The following FNIP2 variants were observed in gnomAD, a reference collection of about 807,000 sequenced individuals.
FNIP2 encodes the protein folliculin-interacting protein 2.
FNIP2 carries 32 observed loss-of-function variants against 108.7 expected under a neutral mutation model. That is an observed-to-expected ratio of 0.29 (90% CI 0.22 to 0.40). The LOEUF is 0.40. Ranked by LOEUF, FNIP2 falls within the 10% of genes least tolerant of loss-of-function variation. The pLI, the probability that FNIP2 is intolerant of heterozygous loss-of-function variation, is 1.00. For missense variants in FNIP2, 1,202 were observed against 1,381.6 expected (o/e 0.87, Z 2.06); for synonymous variants, 480 against 496.7 (o/e 0.97, Z 0.45).
rs1779694833 is a variant in FNIP2 at position 158,851,434 on chromosome 4, G to T, written c.841G>T (p.Gly281Cys). The T allele has an allele frequency of 6.2e-7, 1 of 1,613,796 alleles. No individual in the cohort carries two copies. The highest frequency in any genetic ancestry group is 2.2e-5 in the East Asian group (1 of 44,896). The part of the protein sequence containing the change: ...LRSQTTSLEN[G>C]IIPRRSTDET... The stretch of plus-strand genomic sequence containing the variant: ...AAGTCAGACAACAAGTTTGGAAAAT[G>T]GCATCATCCCAAGAAGGTGAGTTGC... Residue 281 changes from glycine to cysteine, a missense_variant, in exon 8 of 17, where the codon GGC (glycine) becomes TGC (cysteine). Physicochemically the swap from Gly to Cys is radical, Grantham distance 159 (BLOSUM62 -3). Around this residue, in one of 5 missense-constraint regions of FNIP2, gnomAD observed 878 missense variants for 990.3 expected, o/e 0.89. Coordinates refer to ENST00000264433, the MANE Select transcript of FNIP2 (RefSeq NM_020840.3).
chr4:158,837,846 T>C (rs1320153900), intron 7 of FNIP2, among the ~76,000 whole-genome samples: 1 of 152,126 alleles, frequency 6.6e-6, no homozygotes, highest in African/African-American at 2.4e-5. Context: ...GTTCTCCTGT[T>C]GGGAGGAAGG....
intron 16 of FNIP2, among the ~76,000 whole-genome samples, chr4:158,899,649 T>C (rs1783023290): frequency 6.6e-6 from 1 of 152,248 alleles, no homozygotes; most frequent in African/African-American, 2.4e-5. Context: ...GAGGTGTTTA[T>C]AGTATTCTCT....
chr4:158,832,938 CAA>C (rs1213655984), intron 5 of FNIP2, among the ~76,000 whole-genome samples: 2 of 152,148 alleles, frequency 1.3e-5, no homozygotes, highest in Non-Finnish European at 2.9e-5. Flanking sequence ...CTACACACAG[CAA>C]AAGTCTTTAA....
chr4:158,796,896 C>T (rs1157698832), intron 1 of FNIP2, among the ~76,000 whole-genome samples: 1 of 152,174 alleles, frequency 6.6e-6, no homozygotes, highest in Non-Finnish European at 1.5e-5. Context: ...ATGACACCCT[C>T]TCTCAGCAGG....
chr4:158,891,836 CAAAT>C (rs1322361596), intron 15 of FNIP2, among the ~76,000 whole-genome samples, 190 bp downstream of exon 15: 3 of 152,128 alleles, frequency 2.0e-5, no homozygotes, highest in Non-Finnish European at 2.9e-5. Context: ...TTCCGTGAAA[CAAAT>C]AACAAGGAGC....
chr4:158,785,710 C>CTTTCT (rs1553953282), intron 1 of FNIP2, among the ~76,000 whole-genome samples: 1 of 144,114 alleles, frequency 6.9e-6, no homozygotes, highest in African/African-American at 2.5e-5. Flanking sequence ...TTCTTTCTTT[C>CTTTCT]TTTTTTTTTT....
intron 13 of FNIP2, 147 bp from the exon 14 acceptor site, chr4:158,870,166 T>C: frequency 1.3e-6 from 1 of 772,062 alleles, no homozygotes; most frequent in South Asian, 2.2e-5. Context: ...TTCTCCCACC[T>C]GTGATCCACT....
At chr4:158,789,941 G>A (rs912974806) in intron 1 of FNIP2, among the ~76,000 whole-genome samples, 3 of 152,056 alleles carry the variant, frequency 2.0e-5, no homozygotes, top group Admixed American at 6.6e-5. Context: ...AAGGTTTGGA[G>A]TAGTACAAGA....
intron 14 of FNIP2, among the ~76,000 whole-genome samples, chr4:158,886,719 T>C (rs1470541135): frequency 6.6e-6 from 1 of 152,228 alleles, no homozygotes; most frequent in Non-Finnish European, 1.5e-5. Context: ...TCCATAAGGT[T>C]TGTAAAGTTT....
intron 14 of FNIP2, among the ~76,000 whole-genome samples, chr4:158,889,258 CT>C (rs1782168675): frequency 1.3e-5 from 2 of 152,316 alleles, no homozygotes; most frequent in East Asian, 3.9e-4. Flanking sequence ...TTACATTTCT[CT>C]TGCATGCTTA....
intron 1 of FNIP2, among the ~76,000 whole-genome samples, chr4:158,771,397 G>A (rs534194710): frequency 6.6e-6 from 1 of 152,300 alleles, no homozygotes; most frequent in African/African-American, 2.4e-5. Flanking sequence ...CTGTGTAGCT[G>A]GCCTGGGAAA....
Position 158,826,013 on chromosome 4 carries a change from G to C in FNIP2, c.205G>C (p.Val69Leu). The C allele has an allele frequency of 6.2e-7, 1 of 1,608,284 alleles. No individual in the cohort carries two copies. Among genetic ancestry groups the C allele is most frequent in the Non-Finnish European group, 8.5e-7 (1 of 1,175,234 alleles). ...GRQVLFDSKA[V>L]QKIEEVTAQK... is the part of the protein sequence containing the mutation. ...ACAAGTCTTGTTTGACTCTAAAGCT[G>C]TTCAAAAGATTGAGGAGGTGACAGC... is the stretch of plus-strand genomic sequence containing the variant. The change falls in exon 2 of 17, where the codon GTT becomes CTT. Residue 69 changes from valine (V) to leucine (L), a missense_variant. Val to Leu is a conservative substitution (Grantham distance 32, BLOSUM62 1). Coordinates refer to ENST00000264433, the MANE Select transcript of FNIP2 (RefSeq NM_020840.3).
At chr4:158,800,651 G>A (rs1776730630) in intron 1 of FNIP2, among the ~76,000 whole-genome samples, 1 of 152,092 alleles carries the variant, frequency 6.6e-6, no homozygotes, top group African/African-American at 2.4e-5. Context: ...TTTTTAAAAA[G>A]TATCCTGATC....
chr4:158,781,132 C>G (rs1172322810), intron 1 of FNIP2, among the ~76,000 whole-genome samples: 1 of 151,706 alleles, frequency 6.6e-6, no homozygotes, highest in African/African-American at 2.4e-5. Flanking sequence ...GTGTGAAAAA[C>G]TAATTAATAA....
intron 1 of FNIP2, among the ~76,000 whole-genome samples, chr4:158,813,475 A>G (rs562411014): frequency 6.6e-6 from 1 of 152,232 alleles, no homozygotes; most frequent in South Asian, 2.1e-4. Flanking sequence ...TGCCATTTGT[A>G]TTATCGTTGG....
Position 158,907,490 on chromosome 4 carries a change from T to C in FNIP2, c.*2946T>C, listed in dbSNP as rs1469042088. 6.6e-6 allele frequency: 1 copy of C among 152,216 alleles called. No homozygotes were observed. Among genetic ancestry groups the C allele is most frequent in the Non-Finnish European group, 1.5e-5 (1 of 68,034 alleles). The allele number at this position is 152,216 out of a possible 1,614,324, so 9.4% of individuals were successfully genotyped here. On this transcript the variant is annotated 3_prime_UTR_variant, in exon 17 of 17. Transcript: ENST00000264433. ...TAAACCGTTGTTTGGGCTCTTATAA[T>C]TAGGTCCTGAGATTTTATAAAAATT...
chr4:158,846,769 C>A lies in FNIP2; in HGVS notation c.728-4552C>A, dbSNP rs753058494. On this transcript the variant is annotated intron_variant, in intron 7 of 16. Coordinates refer to ENST00000264433, the MANE Select transcript of FNIP2 (RefSeq NM_020840.3). ...TGGCTGAATGGAAGCCTCCACCGAT[C>A]GTCCTCTCTGCAGGAACCCCAAATT... Among the ~76,000 whole-genome samples, 4 of 152,294 alleles carry A rather than the reference C, an allele frequency of 2.6e-5. No individual in the cohort carries two copies. The South Asian group carries it at 8.3e-4, about 32-fold the overall frequency.
intron 1 of FNIP2, among the ~76,000 whole-genome samples, chr4:158,783,822 G>T (rs1479634142): frequency 6.6e-6 from 1 of 152,130 alleles, no homozygotes; most frequent in African/African-American, 2.4e-5. Context: ...CAGCTTCCTA[G>T]ACTGAGGTTT....
chr4:158,846,921 G>A (rs1274993280), intron 7 of FNIP2, among the ~76,000 whole-genome samples: 2 of 152,152 alleles, frequency 1.3e-5, no homozygotes, highest in Non-Finnish European at 2.9e-5. Flanking sequence ...AATTGCCAGC[G>A]CCACCCCTCC....
Sources: gnomAD v4.1 joint callset for allele counts (sites outside exome capture counted in the v4.1 genomes callset) on GRCh38, gnomAD v4.1.1 for gene constraint, gnomAD v4.1.1 regional missense constraint, MANE v1.5 for transcripts, NCBI Gene and HGNC (gene_info 2026-07-23, HGNC 2026-07-21) for gene names.